The following ICA1 variants were observed in gnomAD, a reference collection of about 807,000 sequenced individuals.
The protein encoded by ICA1 is 69 kDa islet cell autoantigen.
In ICA1, 40 loss-of-function variants were observed where a neutral mutation model predicts 71.0. That is an observed-to-expected ratio of 0.56 (90% CI 0.44 to 0.73). The LOEUF is 0.73. ICA1 is among the 30% of genes least tolerant of loss of function. The pLI, the probability that ICA1 is intolerant of heterozygous loss-of-function variation, is 0.00. For missense variants in ICA1, 578 were observed against 576.5 expected (o/e 1.00, Z -0.03); for synonymous variants, 207 against 209.5 (o/e 0.99, Z 0.10).
intron 6 of ICA1, among the ~76,000 whole-genome samples, chr7:8,192,256 T>C (rs1310745538): frequency 6.6e-6 from 1 of 152,238 alleles, no homozygotes; most frequent in African/African-American, 2.4e-5. Context: ...TCAGTTGTCA[T>C]GTTTTTTCAG....
At chr7:8,153,097 CCT>C (rs1373633886) in intron 8 of ICA1, among the ~76,000 whole-genome samples, 2 of 152,196 alleles carry the variant, frequency 1.3e-5, no homozygotes, top group East Asian at 3.8e-4. Context: ...ACCACTCACG[CCT>C]CTCTCACTAC....
rs1007763781 is a variant in ICA1 at position 8,199,821 on chromosome 7, A to G, written c.579+18484T>C. Among the ~76,000 whole-genome samples the G allele has an allele frequency of 2.6e-5, 4 of 152,182 alleles. No homozygotes were observed. In the East Asian group the frequency reaches 7.7e-4, roughly 29 times the overall value. On this transcript the variant is annotated intron_variant, in intron 6 of 13. Transcript: ENST00000402384. ...ATAAGCCAGGCACAGAAAGACAAAC[A>G]TTGCATGTTCTCACTTATTTGTGGA...
intron 13 of ICA1, among the ~76,000 whole-genome samples, chr7:8,116,852 T>C (rs1436954060): frequency 6.6e-6 from 1 of 152,200 alleles, no homozygotes; most frequent in African/African-American, 2.4e-5. Context: ...AGTCCAAATA[T>C]ATGAGGGGGA....
intron 6 of ICA1, among the ~76,000 whole-genome samples, chr7:8,176,266 C>T (rs988391557): frequency 3.9e-5 from 6 of 152,234 alleles, no homozygotes; most frequent in South Asian, 4.1e-4. Context: ...ATCCCATCCA[C>T]GTGCTTCTGT....
In ICA1 at chr7:8,222,299, C is replaced by G. The variant is rs180959771; in HGVS notation, c.257-901G>C. ...TACAGTGGGGGTCCTGAACACACAC[C>G]AGCAGCCAAGCCACAGGCACCAGAG... On this transcript the variant is annotated intron_variant, in intron 4 of 13. Coordinates refer to ENST00000402384, the MANE Select transcript of ICA1 (RefSeq NM_001136020.3). The surrounding 1 kb of genome is among the most constrained non-coding windows in gnomAD (Gnocchi z 4.8). Among the ~76,000 whole-genome samples the G allele has an allele frequency of 6.6e-6, 1 of 152,246 alleles. No homozygotes were observed. The highest frequency in any genetic ancestry group is 1.9e-4 in the East Asian group (1 of 5,188).
chr7:8,201,630 T>G lies in ICA1; in HGVS notation c.579+16675A>C, dbSNP rs76435164. Among the ~76,000 whole-genome samples, 1,343 of 152,260 alleles carry G rather than the reference T, an allele frequency of 8.8e-3. 5 individuals carry two copies. Among genetic ancestry groups the G allele is most frequent in the Non-Finnish European group, 0.013 (901 of 67,992 alleles). On this transcript the variant is annotated intron_variant, in intron 6 of 13. Coordinates refer to ENST00000402384, the MANE Select transcript of ICA1 (RefSeq NM_001136020.3). Reference sequence around the variant, plus strand: ...CGTTAAAATAAAGCAGTGCAGTTGATGAAAAAGGGCCGAGTTTAGCTCCCA... The same window carrying G: ...CGTTAAAATAAAGCAGTGCAGTTGAGGAAAAAGGGCCGAGTTTAGCTCCCA...
chr7:8,218,090 G>T (rs535650994), intron 6 of ICA1, among the ~76,000 whole-genome samples: 1 of 152,278 alleles, frequency 6.6e-6, no homozygotes, highest in South Asian at 2.1e-4. Context: ...AAGCAGTTAT[G>T]AAATCCCAGC....
At chr7:8,250,630 T>C (rs542226769) in intron 1 of ICA1, among the ~76,000 whole-genome samples, 51 of 152,278 alleles carry the variant, frequency 3.3e-4, no homozygotes, top group East Asian at 1.2e-3. Context: ...GCCTGGGTGA[T>C]TGAGTGACTA....
chr7:8,247,429 C>T (rs959946799), intron 1 of ICA1, among the ~76,000 whole-genome samples: 2 of 151,990 alleles, frequency 1.3e-5, no homozygotes, highest in Admixed American at 1.3e-4. Flanking sequence ...CACTGCACTC[C>T]AGCCTGGGTG....
At position 8,218,394 on chromosome 7, in the gene ICA1, T is replaced by C. The variant is rs1796026955; in HGVS notation, c.490A>G (p.Thr164Ala). Residue 164 changes from threonine (T) to alanine (A), a missense_variant, in exon 6 of 14, where the codon ACG becomes GCG. Coordinates refer to ENST00000402384, the MANE Select transcript of ICA1 (RefSeq NM_001136020.3). Reference protein sequence around the residue: ...LTVNRMEQCRTEYRGALLWMK... With the variant: ...LTVNRMEQCRAEYRGALLWMK... ...CATAATAGTGCTCCTCTATATTCCG[T>C]CCTGCACTGTTCCATGCGGTTCACC... The C allele has an allele frequency of 6.2e-7, 1 of 1,614,062 alleles. No homozygotes were observed. Among genetic ancestry groups the C allele is most frequent in the African/African-American group, 1.3e-5 (1 of 74,948 alleles).
intron 1 of ICA1, among the ~76,000 whole-genome samples, chr7:8,252,076 T>C (rs1808389279): frequency 6.6e-6 from 1 of 152,092 alleles, no homozygotes; most frequent in Non-Finnish European, 1.5e-5. Context: ...AACAAATGGG[T>C]TACCTCTGCT....
chr7:8,248,660 G>C (rs1211869090), intron 1 of ICA1, among the ~76,000 whole-genome samples: 1 of 152,188 alleles, frequency 6.6e-6, no homozygotes, highest in African/African-American at 2.4e-5. Flanking sequence ...AAGTTGCATT[G>C]AGCTGAGATC....
At chr7:8,197,041 T>C (rs1418717562) in intron 6 of ICA1, among the ~76,000 whole-genome samples, 1 of 152,020 alleles carries the variant, frequency 6.6e-6, no homozygotes, top group African/African-American at 2.4e-5. Context: ...TTACCCAGCC[T>C]TGGGTATATC....
chr7:8,167,791 T>C (rs1164692204), intron 6 of ICA1, among the ~76,000 whole-genome samples: 2 of 152,168 alleles, frequency 1.3e-5, no homozygotes, highest in African/African-American at 4.8e-5. Context: ...CATAATGCAC[T>C]GTGGTTGGCT....
At chr7:8,125,249 G>A (rs1303965401) in intron 13 of ICA1, among the ~76,000 whole-genome samples, 4 of 152,192 alleles carry the variant, frequency 2.6e-5, no homozygotes, top group Admixed American at 6.5e-5. Context: ...AAAGGTCTAA[G>A]TTCTTCCAAC....
At chr7:8,229,003 G>A (rs1345096966) in intron 3 of ICA1, among the ~76,000 whole-genome samples, 3 of 152,024 alleles carry the variant, frequency 2.0e-5, no homozygotes, top group African/African-American at 7.3e-5. Flanking sequence ...TGGTAAACCA[G>A]AGACCCAATA....
chr7:8,196,643 G>A (rs961923012), intron 6 of ICA1, among the ~76,000 whole-genome samples: 1 of 152,100 alleles, frequency 6.6e-6, no homozygotes, highest in Non-Finnish European at 1.5e-5. Flanking sequence ...CGGGGAGTGA[G>A]TATGCAGAAA....
intron 8 of ICA1, among the ~76,000 whole-genome samples, chr7:8,145,825 AT>A (rs1796693677): frequency 6.7e-6 from 1 of 149,818 alleles, no homozygotes; most frequent in Non-Finnish European, 1.5e-5. Flanking sequence ...TTGTGTAGAT[AT>A]TTCATAATTT....
intron 6 of ICA1, among the ~76,000 whole-genome samples, chr7:8,179,167 T>G (rs1327422017): frequency 6.6e-6 from 1 of 152,152 alleles, no homozygotes; most frequent in Non-Finnish European, 1.5e-5. Context: ...AGTCTCTAAA[T>G]GACTTCTTAG....
Sources: allele counts gnomAD v4.1 joint callset (sites outside exome capture counted in the v4.1 genomes callset), GRCh38; gene constraint gnomAD v4.1.1; non-coding constraint Gnocchi (gnomAD v3.1); transcripts MANE v1.5; gene names NCBI Gene and HGNC (gene_info 2026-07-23, HGNC 2026-07-21).